TUFT1: variants seen among roughly 807,000 people sequenced by gnomAD.
The protein encoded by TUFT1 is tuftelin 1.
TUFT1 carries 43 observed loss-of-function variants against 57.8 expected under a neutral mutation model. The observed-to-expected ratio is 0.74, with a 90% CI of 0.58 to 0.96. The LOEUF (loss-of-function observed/expected upper bound fraction) is 0.96, where lower values mean the gene tolerates loss of function less well. TUFT1 is among the 40% of genes least tolerant of loss of function. The pLI, the probability that TUFT1 is intolerant of heterozygous loss-of-function variation, is 0.00. For missense variants in TUFT1, 459 were observed against 489.0 expected (o/e 0.94, Z 0.58); for synonymous variants, 166 against 176.7 (o/e 0.94, Z 0.48).
At chr1:151,541,858 C>T (rs967014384) in intron 1 of TUFT1, among the ~76,000 whole-genome samples, 4 of 152,166 alleles carry the variant, frequency 2.6e-5, no homozygotes, top group African/African-American at 9.7e-5. Context: ...TGTTTTTAAG[C>T]GACGAGTGTC....
chr1:151,576,630 GTATT>G (rs748017283), intron 9 of TUFT1, among the ~76,000 whole-genome samples: 1 of 152,022 alleles, frequency 6.6e-6, no homozygotes, highest in Non-Finnish European at 1.5e-5. Flanking sequence ...AACATTTTCC[GTATT>G]TATTTATTTA....
intron 6 of TUFT1, among the ~76,000 whole-genome samples, chr1:151,567,250 G>A (rs1666114177): frequency 6.6e-6 from 1 of 152,084 alleles, no homozygotes. Context: ...GTCTCCCTAT[G>A]TCATCTGAGC....
intron 1 of TUFT1, among the ~76,000 whole-genome samples, chr1:151,554,667 G>C (rs950412819): frequency 2.1e-5 from 3 of 143,176 alleles, no homozygotes; most frequent in Non-Finnish European, 4.5e-5. Flanking sequence ...CCAAAGTGCT[G>C]GGACTGTGAA....
At chr1:151,553,859 A>AT (rs1455680619) in intron 1 of TUFT1, among the ~76,000 whole-genome samples, 2 of 151,650 alleles carry the variant, frequency 1.3e-5, no homozygotes, top group African/African-American at 4.8e-5. Context: ...TCTGATAGGT[A>AT]TTTTGTGGCA....
At chr1:151,542,154 C>T (rs1665187598) in intron 1 of TUFT1, among the ~76,000 whole-genome samples, 1 of 152,204 alleles carries the variant, frequency 6.6e-6, no homozygotes, top group Non-Finnish European at 1.5e-5. Context: ...CAAGTTGGCA[C>T]TGGCAGTGTT....
chr1:151,557,952 AT>A, intron 1 of TUFT1: 1 of 611,760 alleles, frequency 1.6e-6, no homozygotes, highest in Non-Finnish European at 3.1e-6. Flanking sequence ...ATTGGAGAGG[AT>A]TATTTTGCAT....
intron 1 of TUFT1, among the ~76,000 whole-genome samples, chr1:151,543,984 CTTT>C (rs10718036): frequency 4.4e-4 from 52 of 116,994 alleles, no homozygotes; most frequent in Admixed American, 4.4e-4. Context: ...CTTTAAATCA[CTTT>C]TTTTTTTTTT....
At chr1:151,549,066 G>A (rs1394874359) in intron 1 of TUFT1, among the ~76,000 whole-genome samples, 1 of 152,166 alleles carries the variant, frequency 6.6e-6, no homozygotes, top group East Asian at 1.9e-4. Flanking sequence ...TGGTGAGGCT[G>A]CCTATAATTT....
At chr1:151,555,776 C>CAAA (rs776491723) in intron 1 of TUFT1, among the ~76,000 whole-genome samples, 4 of 70,344 alleles carry the variant, frequency 5.7e-5, no homozygotes, top group African/African-American at 1.2e-4. Context: ...GACTCCGTCT[C>CAAA]AAAAAAAAAA....
chr1:151,566,352 A>G (rs1318550781), intron 6 of TUFT1, 124 bp downstream of exon 6: 1 of 760,174 alleles, frequency 1.3e-6, no homozygotes, highest in Non-Finnish European at 2.1e-6. Flanking sequence ...GTAGTAGTTG[A>G]CATAAAAATT....
At chr1:151,551,866 C>T (rs1432835843) in intron 1 of TUFT1, among the ~76,000 whole-genome samples, 4 of 152,110 alleles carry the variant, frequency 2.6e-5, no homozygotes, top group African/African-American at 9.7e-5. Context: ...TTAATAGTAA[C>T]ATATATACAG....
chr1:151,559,282 GA>G (rs1197682110), intron 1 of TUFT1, among the ~76,000 whole-genome samples: 1 of 152,226 alleles, frequency 6.6e-6, no homozygotes, highest in Non-Finnish European at 1.5e-5. Context: ...GGAGTTAACA[GA>G]AGGGGTAATT....
In TUFT1 at chr1:151,574,931, G is replaced by C. The variant is rs1200175625; in HGVS notation, c.744G>C (p.Ala248=). 1 of 1,575,076 alleles carries C rather than the reference G, an allele frequency of 6.3e-7. No individual in the cohort carries two copies. The highest frequency in any genetic ancestry group is 1.3e-5 in the African/African-American group (1 of 74,240). ...GMETEHQALL[A]KVREGEVALE... Reference sequence around the variant, plus strand: ...CCCAGGAGCATCAGGCCTTACTGGCGAAAGTGAGGGAAGGGGAGGTGGCCC... The same window carrying C: ...CCCAGGAGCATCAGGCCTTACTGGCCAAAGTGAGGGAAGGGGAGGTGGCCC... The change falls in exon 9 of 13, where the codon GCG becomes GCC. Residue 248 remains alanine (A), a synonymous_variant. Coordinates refer to ENST00000368849, the MANE Select transcript of TUFT1 (RefSeq NM_020127.3).
At chr1:151,566,011 C>T (rs1393913795) in intron 5 of TUFT1, 152 bp from the exon 6 acceptor site, 12 of 401,198 alleles carry the variant, frequency 3.0e-5, no homozygotes, top group South Asian at 1.1e-4. Context: ...TTTCTCCCTC[C>T]CTTTCTTTTT....
At chr1:151,554,721 T>TTTG (rs71090188) in intron 1 of TUFT1, among the ~76,000 whole-genome samples, 1 of 113,526 alleles carries the variant, frequency 8.8e-6, no homozygotes, top group African/African-American at 3.2e-5. Context: ...TTTTTTTTTT[T>TTTG]GAGACAGAGT....
chr1:151,545,560 A>AT (rs1380414509), intron 1 of TUFT1, among the ~76,000 whole-genome samples: 1 of 152,210 alleles, frequency 6.6e-6, no homozygotes, highest in African/African-American at 2.4e-5. Context: ...GAGGTTAGCT[A>AT]TTATTTTCTA....
intron 3 of TUFT1, 81 bp from the exon 4 acceptor site, chr1:151,563,823 A>G (rs1665974460): frequency 8.2e-7 from 1 of 1,216,110 alleles, no homozygotes; most frequent in African/African-American, 1.5e-5. Flanking sequence ...TTACCCTCCC[A>G]CCAGCACTAT....
chr1:151,563,245 T>TA (rs1428073072), intron 3 of TUFT1, among the ~76,000 whole-genome samples: 2 of 152,156 alleles, frequency 1.3e-5, no homozygotes, highest in South Asian at 2.1e-4. Context: ...TCTTTTTTTT[T>TA]ATAAAACAGC....
Position 151,557,643 on chromosome 1 carries a change from C to T in TUFT1, c.61-4448C>T. The stretch of plus-strand genomic sequence containing the variant: ...AGGAACAGTTTGCCTGGAGACATTT[C>T]CACTGGTACGTTACCAATGAGGGCA... On this transcript the variant is annotated intron_variant, in intron 1 of 12. Transcript: ENST00000368849. 7 of 1,023,412 alleles carry T rather than the reference C, an allele frequency of 6.8e-6. No homozygotes were observed. The South Asian group carries it at 8.8e-5, about 13-fold the overall frequency. 63.4% of individuals were successfully genotyped at this position (1,023,412 alleles called of 1,614,324 possible).
Sources: allele counts gnomAD v4.1 joint callset (sites outside exome capture counted in the v4.1 genomes callset), GRCh38; gene constraint gnomAD v4.1.1; transcripts MANE v1.5; gene names NCBI Gene and HGNC (gene_info 2026-07-23, HGNC 2026-07-21).